The following ABR variants were observed in gnomAD, a reference collection of about 807,000 sequenced individuals.
ABR encodes the protein active breakpoint cluster region-related protein.
In ABR, 35 loss-of-function variants were observed where a neutral mutation model predicts 107.2. The ratio of observed to expected loss-of-function variants is 0.33; its 90% CI spans 0.25 to 0.43. The LOEUF is 0.43. ABR is among the 20% of genes least tolerant of loss of function. The probability of loss-of-function intolerance (pLI) is 1.00; values close to 1 mark genes in which losing one functional copy is unlikely to be tolerated. For missense variants in ABR, 815 were observed against 1,115.2 expected (o/e 0.73, Z 3.83); for synonymous variants, 498 against 462.0 (o/e 1.08, Z -1.00).
chr17:1,204,330 A>C (rs1321310812), intron 1 of ABR, among the ~76,000 whole-genome samples: 1 of 152,224 alleles, frequency 6.6e-6, no homozygotes. Flanking sequence ...CTGTAATCCC[A>C]GCTACTCGGG....
chr17:1,149,058 T>C (rs11867325), intron 1 of ABR, among the ~76,000 whole-genome samples: 33,646 of 143,356 alleles, frequency 0.23, 4,738 homozygotes, highest in African/African-American at 0.36. Context: ...CCTGCCACCA[T>C]GCCTGGCTAA....
intron 2 of ABR, among the ~76,000 whole-genome samples, chr17:1,110,036 G>T (rs1271572659): frequency 6.4e-5 from 9 of 141,104 alleles, no homozygotes; most frequent in African/African-American, 2.4e-4. Context: ...GCTGAGACCA[G>T]CACCCCCACC....
chr17:1,021,536 T>C (rs772334259), intron 16 of ABR, among the ~76,000 whole-genome samples: 24 of 152,320 alleles, frequency 1.6e-4, no homozygotes, highest in South Asian at 4.1e-4. Context: ...CCAGGTGCGG[T>C]GGCTCACGCC....
chr17:1,207,684 A>G (rs1404389224), intron 1 of ABR, among the ~76,000 whole-genome samples: 1 of 151,882 alleles, frequency 6.6e-6, no homozygotes, highest in African/African-American at 2.4e-5. Flanking sequence ...GGGGGAAAAA[A>G]GGAAACTGTT....
Position 1,086,664 on chromosome 17 carries a change from C to A in ABR, c.532-3037G>T, listed in dbSNP as rs11653890. 6.6e-5 allele frequency among the ~76,000 whole-genome samples: 10 copies of A among 152,132 alleles called. No homozygotes were observed. The East Asian group carries it at 1.7e-3, about 26-fold the overall frequency. ...TACAGGCACGCACCACCACACCCGG[C>A]TAGTTTTTGTATTTTTAGTAGAGAC... On this transcript the variant is annotated intron_variant, in intron 4 of 22. Coordinates refer to ENST00000302538, the MANE Select transcript of ABR (RefSeq NM_021962.5).
At position 1,018,851 on chromosome 17, in the gene ABR, C is replaced by T. The variant is rs138517049; in HGVS notation, c.1792-5687G>A. Among the ~76,000 whole-genome samples the T allele has an allele frequency of 2.7e-3, 411 of 152,304 alleles. 1 individual carries two copies. The highest frequency in any genetic ancestry group is 9.0e-3 in the African/African-American group (373 of 41,554). ...TCATGATCATGATAGCAGACATATGCGGTTTAAGCTCTCATAGCCGCTCCC... is the reference window on the plus strand; with the variant it reads ...TCATGATCATGATAGCAGACATATGTGGTTTAAGCTCTCATAGCCGCTCCC... On this transcript the variant is annotated intron_variant, in intron 16 of 22. Coordinates refer to ENST00000302538, the MANE Select transcript of ABR (RefSeq NM_021962.5).
chr17:1,078,508 G>A lies in ABR; in HGVS notation c.700+822C>T, dbSNP rs553462519. On this transcript the variant is annotated intron_variant, in intron 6 of 22. Transcript: ENST00000302538. The surrounding 1 kb of genome is among the most constrained non-coding windows in gnomAD (Gnocchi z 7.5). Reference sequence around the variant, plus strand: ...ACGTCTGCGGGCACAGCTCGTCGCCGTCTCTCCCTAACAGCCCCTCCAGGA... The same window carrying A: ...ACGTCTGCGGGCACAGCTCGTCGCCATCTCTCCCTAACAGCCCCTCCAGGA... 7.2e-5 allele frequency among the ~76,000 whole-genome samples: 11 copies of A among 152,050 alleles called. No individual in the cohort carries two copies. The highest frequency in any genetic ancestry group is 2.1e-4 in the South Asian group (1 of 4,812).
At chr17:1,009,880 C>A (rs2070388055) in intron 20 of ABR, 96 bp from the exon 21 acceptor site, 3 of 1,063,312 alleles carry the variant, frequency 2.8e-6, no homozygotes, top group Non-Finnish European at 4.3e-6. Context: ...GGGAGAGAGC[C>A]CAGGCTTCCA....
intron 2 of ABR, among the ~76,000 whole-genome samples, chr17:1,114,280 GT>G (rs2038878797): frequency 6.6e-6 from 1 of 151,776 alleles, no homozygotes; most frequent in Non-Finnish European, 1.5e-5. Flanking sequence ...GACCAGCCTG[GT>G]CTACGTGGTA....
chr17:1,032,929 C>T (rs1490797838), intron 16 of ABR, among the ~76,000 whole-genome samples: 1 of 152,156 alleles, frequency 6.6e-6, no homozygotes, highest in Non-Finnish European at 1.5e-5. Context: ...TTCAAACGCC[C>T]GACTGCATGT....
chr17:1,185,654 T>TAAAATAA (rs2042266236), intron 1 of ABR, among the ~76,000 whole-genome samples: 4 of 39,350 alleles, frequency 1.0e-4, no homozygotes, highest in African/African-American at 3.9e-4. Flanking sequence ...CAGAAAGAAA[T>TAAAATAA]AAAAAAAAAA....
chr17:1,045,692 G>A (rs913605982), intron 16 of ABR, among the ~76,000 whole-genome samples: 10 of 152,172 alleles, frequency 6.6e-5, no homozygotes, highest in African/African-American at 1.7e-4. Flanking sequence ...TGCTGGGCTC[G>A]TCCTGGGCTC....
At position 1,051,693 on chromosome 17, in the gene ABR, G is replaced by A. The variant is rs938637065; in HGVS notation, c.1562-1059C>T. On this transcript the variant is annotated intron_variant, in intron 14 of 22. Transcript: ENST00000302538. The surrounding 1 kb of genome is among the most constrained non-coding windows in gnomAD (Gnocchi z 4.3). ...CCAACCCTCTGCAGCGTGAAACAAC[G>A]TCAGAGGTCACAGTGCGGGCATACA... 2.0e-5 allele frequency among the ~76,000 whole-genome samples: 3 copies of A among 152,210 alleles called. No individual in the cohort carries two copies. Among genetic ancestry groups the A allele is most frequent in the Non-Finnish European group, 4.4e-5 (3 of 68,042 alleles).
chr17:1,127,140 TC>T (rs2039637587), intron 1 of ABR, among the ~76,000 whole-genome samples: 1 of 152,200 alleles, frequency 6.6e-6, no homozygotes, highest in African/African-American at 2.4e-5. Context: ...CCTCTCCTCG[TC>T]CCTGAGCCAA....
chr17:1,019,360 A>C (rs2071444355), intron 16 of ABR, among the ~76,000 whole-genome samples: 1 of 152,218 alleles, frequency 6.6e-6, no homozygotes, highest in African/African-American at 2.4e-5. Context: ...GCTGTCTCAC[A>C]CACTCCAGCC....
At chr17:1,126,531 C>T (rs2039609893) in intron 1 of ABR, 1 of 152,320 alleles carries the variant, frequency 6.6e-6, no homozygotes, top group African/African-American at 2.4e-5. Context: ...ATCACCGTGC[C>T]GGCAGCCTTG....
rs1042812220 is a variant in ABR at position 1,200,882 on chromosome 17, T to C, written c.838+27911A>G. ...ATTGCTCCTGACAAGGTCCTGGGGC[T>C]CTTCCTTCCTCTGGGCAGGGCTACA... On this transcript the variant is annotated intron_variant, in intron 1 of 22. Coordinates refer to the ABR transcript ENST00000574139. This position sits in a 1 kb window ranked among gnomAD's most constrained non-coding sequence, Gnocchi z 4.1. Among the ~76,000 whole-genome samples, 5 of 152,134 alleles carry C rather than the reference T, an allele frequency of 3.3e-5. No individual in the cohort carries two copies. Among genetic ancestry groups the C allele is most frequent in the South Asian group, 2.1e-4 (1 of 4,826 alleles).
rs760712302 is a variant in ABR at position 1,070,134 on chromosome 17, C to G, written c.895-44G>C. On this transcript the variant is annotated intron_variant, in intron 8 of 22. Transcript: ENST00000302538. This position sits in a 1 kb window ranked among gnomAD's most constrained non-coding sequence, Gnocchi z 4.2. ...CCCCCAGCCTGCTCAGAGGGGAATG[C>G]GGCCGAGGGCAGAGCCTGCACACGG... The G allele has an allele frequency of 6.2e-7, 1 of 1,608,598 alleles. No homozygotes were observed. The highest frequency in any genetic ancestry group is 8.5e-7 in the Non-Finnish European group (1 of 1,177,498).
At chr17:1,129,969 C>CA (rs1360930760) in intron 1 of ABR, among the ~76,000 whole-genome samples, 3 of 151,770 alleles carry the variant, frequency 2.0e-5, no homozygotes, top group Non-Finnish European at 4.4e-5. Context: ...CAACCAACAA[C>CA]AAAAAAACCA....
Sources: gnomAD v4.1 joint callset for allele counts (sites outside exome capture counted in the v4.1 genomes callset) on GRCh38, gnomAD v4.1.1 for gene constraint, Gnocchi (gnomAD v3.1) non-coding constraint, MANE v1.5 for transcripts, NCBI Gene and HGNC (gene_info 2026-07-23, HGNC 2026-07-21) for gene names.